The following EYS variants were observed in gnomAD, a reference collection of about 807,000 sequenced individuals.
The protein encoded by EYS is protein eyes shut homolog.
EYS carries 250 observed loss-of-function variants against 282.1 expected under a neutral mutation model. That is an observed-to-expected ratio of 0.89 (90% CI 0.80 to 0.98). The LOEUF is 0.98. Ranked by LOEUF, EYS falls within the 50% of genes least tolerant of loss-of-function variation. The pLI, the probability that EYS is intolerant of heterozygous loss-of-function variation, is 0.00. For missense variants in EYS, 4,016 were observed against 3,709.0 expected (o/e 1.08, Z -2.15); for synonymous variants, 1,355 against 1,282.9 (o/e 1.06, Z -1.20).
intron 22 of EYS, among the ~76,000 whole-genome samples, chr6:64,696,105 G>A (rs1770571003): frequency 6.6e-6 from 1 of 151,862 alleles, no homozygotes; most frequent in South Asian, 2.1e-4. Flanking sequence ...CCCATACAAA[G>A]AAATCAGAAA....
intron 28 of EYS, among the ~76,000 whole-genome samples, chr6:64,435,248 G>T (rs190089230): frequency 2.6e-5 from 4 of 152,090 alleles, no homozygotes; most frequent in Admixed American, 2.0e-4. Context: ...AGTATTCTGG[G>T]TGGGGAGTAG....
At chr6:64,582,758 C>T (rs1293523896) in intron 26 of EYS, among the ~76,000 whole-genome samples, 1 of 152,090 alleles carries the variant, frequency 6.6e-6, no homozygotes, top group Non-Finnish European at 1.5e-5. Context: ...GTCAATAACA[C>T]TATTCCATGC....
chr6:64,199,838 T>C (rs747239245), intron 31 of EYS, among the ~76,000 whole-genome samples: 3 of 152,180 alleles, frequency 2.0e-5, no homozygotes, highest in Admixed American at 1.3e-4. Flanking sequence ...AGGTATTTAC[T>C]GATAGGACTT....
intron 12 of EYS, among the ~76,000 whole-genome samples, chr6:65,172,181 G>T (rs1765120236): frequency 6.6e-6 from 1 of 150,982 alleles, no homozygotes; most frequent in African/African-American, 2.4e-5. Flanking sequence ...ATGAAAGTTT[G>T]TACTTTTGAT....
chr6:64,070,146 C>T (rs553063269), intron 32 of EYS, among the ~76,000 whole-genome samples: 12 of 152,042 alleles, frequency 7.9e-5, no homozygotes, highest in East Asian at 1.9e-4. Context: ...AATGGCAGTT[C>T]GTTAAAGTTT....
intron 35 of EYS, among the ~76,000 whole-genome samples, chr6:63,880,184 T>A (rs1319016829): frequency 1.3e-5 from 2 of 152,088 alleles, no homozygotes; most frequent in Admixed American, 6.6e-5. Context: ...AACATTTGAG[T>A]CAGTGGGCTG....
chr6:64,660,459 A>C (rs889688420), intron 22 of EYS, among the ~76,000 whole-genome samples: 2 of 152,056 alleles, frequency 1.3e-5, no homozygotes, highest in African/African-American at 4.8e-5. Flanking sequence ...CCCTGTTTGC[A>C]GATGACATGA....
At chr6:63,786,377 C>T (rs1369968637) in intron 39 of EYS, among the ~76,000 whole-genome samples, 2 of 152,098 alleles carry the variant, frequency 1.3e-5, no homozygotes, top group East Asian at 3.9e-4. Context: ...TGCTTTGCTT[C>T]GTTATGATTA....
intron 12 of EYS, among the ~76,000 whole-genome samples, chr6:65,073,277 A>C (rs565578497): frequency 4.0e-4 from 61 of 151,970 alleles, no homozygotes; most frequent in African/African-American, 1.3e-3. Flanking sequence ...AGAATATTTA[A>C]ACTGTGAGAA....
At chr6:64,575,826 G>C (rs1765863143) in intron 26 of EYS, among the ~76,000 whole-genome samples, 1 of 152,090 alleles carries the variant, frequency 6.6e-6, no homozygotes, top group South Asian at 2.1e-4. Context: ...ACTAAAGAGA[G>C]TATATGGAAT....
intron 24 of EYS, among the ~76,000 whole-genome samples, chr6:64,605,550 C>T (rs1282488575): frequency 2.0e-5 from 3 of 151,690 alleles, no homozygotes; most frequent in Non-Finnish European, 4.4e-5. Context: ...ACTCTGTGGT[C>T]CTACTGTCAA....
chr6:63,979,511 A>G (rs889381750), intron 35 of EYS, among the ~76,000 whole-genome samples: 1 of 151,934 alleles, frequency 6.6e-6, no homozygotes, highest in African/African-American at 2.4e-5. Context: ...TAGTGTCTCA[A>G]TAATTATTTA....
At chr6:65,162,529 T>A (rs1764874031) in intron 12 of EYS, among the ~76,000 whole-genome samples, 1 of 151,212 alleles carries the variant, frequency 6.6e-6, no homozygotes, top group African/African-American at 2.4e-5. Flanking sequence ...GTACATTACA[T>A]ACAACAAAAA....
intron 2 of EYS, among the ~76,000 whole-genome samples, chr6:65,555,539 C>T (rs920543359): frequency 6.6e-6 from 1 of 152,074 alleles, no homozygotes; most frequent in Non-Finnish European, 1.5e-5. Context: ...CATAAAACTA[C>T]ATTTGACACT....
chr6:65,328,236 A>G (rs988029366), intron 11 of EYS, among the ~76,000 whole-genome samples: 1 of 151,492 alleles, frequency 6.6e-6, no homozygotes, highest in African/African-American at 2.4e-5. Flanking sequence ...CAATGACTCT[A>G]GAAGTTCCCA....
intron 14 of EYS, among the ~76,000 whole-genome samples, chr6:64,946,502 CAAAAG>C (rs369011453): frequency 9.7e-4 from 148 of 151,862 alleles, no homozygotes; most frequent in African/African-American, 3.4e-3. Context: ...AACAAACAAA[CAAAAG>C]AAACACTTTA....
chr6:64,944,322 T>A (rs1415333178), intron 15 of EYS, among the ~76,000 whole-genome samples: 1 of 152,088 alleles, frequency 6.6e-6, no homozygotes, highest in Admixed American at 6.6e-5. Flanking sequence ...AAATAATTTA[T>A]GAGTGAGTCC....
At chr6:64,711,442 A>G (rs185100617) in intron 22 of EYS, among the ~76,000 whole-genome samples, 24 of 152,320 alleles carry the variant, frequency 1.6e-4, no homozygotes, top group Middle Eastern at 6.8e-3. Flanking sequence ...AAGAATTGCA[A>G]TTCAATAGTT....
At chr6:63,971,147 G>A (rs1206544716) in intron 35 of EYS, among the ~76,000 whole-genome samples, 1 of 152,168 alleles carries the variant, frequency 6.6e-6, no homozygotes, top group Non-Finnish European at 1.5e-5. Context: ...AAGTAGAACA[G>A]GCAATAGATA....
Sources: allele counts gnomAD v4.1 joint callset (sites outside exome capture counted in the v4.1 genomes callset), GRCh38; gene constraint gnomAD v4.1.1; transcripts MANE v1.5; gene names NCBI Gene and HGNC (gene_info 2026-07-23, HGNC 2026-07-21).